ESR2: variants seen among roughly 807,000 people sequenced by gnomAD.
ESR2 encodes estrogen receptor 2.
In ESR2, 36 loss-of-function variants were observed where a neutral mutation model predicts 49.6. The observed-to-expected ratio is 0.73, with a 90% CI of 0.56 to 0.96. ESR2 has a LOEUF of 0.96. ESR2 is among the 40% of genes least tolerant of loss of function. ESR2 has a pLI of 0.00. For synonymous variants in ESR2, 320 were observed against 266.1 expected, an observed-to-expected ratio of 1.20 and a Z score of -1.97; for missense variants, 714 against 693.0, an observed-to-expected ratio of 1.03 and a Z score of -0.34.
chr14:64,272,264 G>T (rs2076464619), intron 3 of ESR2, among the ~76,000 whole-genome samples: 1 of 152,034 alleles, frequency 6.6e-6, no homozygotes, highest in African/African-American at 2.4e-5. Context: ...TTTTTTTGTA[G>T]AGTTGTTTGA....
At chr14:64,308,618 G>T (rs1171908593) in intron 1 of ESR2, among the ~76,000 whole-genome samples, 1 of 151,940 alleles carries the variant, frequency 6.6e-6, no homozygotes, top group East Asian at 1.9e-4. Flanking sequence ...ATGTTCTACA[G>T]GTACTTTTAA....
chr14:64,326,103 G>A (rs1038653837), intron 1 of ESR2, among the ~76,000 whole-genome samples: 1 of 151,702 alleles, frequency 6.6e-6, no homozygotes, highest in Non-Finnish European at 1.5e-5. Context: ...CACATAAATT[G>A]GATCATGTAG....
chr14:64,299,096 C>T (rs2076992798), upstream of ESR2, among the ~76,000 whole-genome samples: 1 of 151,330 alleles, frequency 6.6e-6, no homozygotes, highest in Non-Finnish European at 1.5e-5. Context: ...AGCTTCCTTA[C>T]ATTTTCTGGC....
chr14:64,303,799 A>G (rs1328922705), intron 1 of ESR2: 2 of 152,212 alleles, frequency 1.3e-5, no homozygotes, highest in Admixed American at 1.3e-4. Flanking sequence ...CTCAGCATTT[A>G]TGATTTGCTT....
intron 1 of ESR2, among the ~76,000 whole-genome samples, chr14:64,306,212 G>GAA (rs200709364): frequency 7.3e-5 from 10 of 136,566 alleles, no homozygotes; most frequent in Non-Finnish European, 1.6e-4. Context: ...CAAAAAAAAA[G>GAA]AAAAAAAAAA....
downstream of ESR2, chr14:64,227,997 C>A (rs762585436): frequency 1.3e-6 from 2 of 1,550,300 alleles, no homozygotes; most frequent in Non-Finnish European, 1.7e-6. Context: ...AATCGATGCA[C>A]TGGATACCAG....
At chr14:64,291,166 C>A (rs1256937016) in intron 1 of ESR2, among the ~76,000 whole-genome samples, 1 of 152,172 alleles carries the variant, frequency 6.6e-6, no homozygotes, top group Non-Finnish European at 1.5e-5. Context: ...AGAAGTTAGG[C>A]TGAATGCACT....
rs979224140 is a variant in ESR2 at position 64,231,262 on chromosome 14, T to C, written c.*1875A>G. ...TTAATAGAATTTCACTGGCAGATAA[T>C]GAGTTGCTGAAGGCTGCCTTCTTTG... On this transcript the variant is annotated 3_prime_UTR_variant, in exon 9 of 9. Coordinates refer to ENST00000341099, the MANE Select transcript of ESR2 (RefSeq NM_001437.3). 2 of 152,222 alleles carry C rather than the reference T, an allele frequency of 1.3e-5. No individual in the cohort carries two copies. Among genetic ancestry groups the C allele is most frequent in the African/African-American group, 4.8e-5 (2 of 41,460 alleles). The allele number at this position is 152,222 out of a possible 1,614,324, so 9.4% of individuals were successfully genotyped here.
intron 7 of ESR2, among the ~76,000 whole-genome samples, chr14:64,241,007 G>A (rs978559807): frequency 4.6e-5 from 7 of 151,766 alleles, no homozygotes; most frequent in East Asian, 1.9e-4. Flanking sequence ...TTAGCCGGGC[G>A]TGATGGTGGG....
intron 1 of ESR2, among the ~76,000 whole-genome samples, chr14:64,310,573 G>A (rs898826885): frequency 1.3e-5 from 2 of 151,082 alleles, no homozygotes; most frequent in African/African-American, 2.4e-5. Flanking sequence ...CCGGTTTCAA[G>A]CAATTCTCCT....
At chr14:64,277,236 C>T (rs1002971367) in intron 3 of ESR2, among the ~76,000 whole-genome samples, 8 of 152,106 alleles carry the variant, frequency 5.3e-5, no homozygotes, top group South Asian at 2.1e-4. Context: ...ACACAGCTTC[C>T]AGTGCATTTG....
intron 7 of ESR2, among the ~76,000 whole-genome samples, chr14:64,241,145 C>CAAAAAAAAAAAAAAAAAAAAAAA (rs56347632): frequency 1.0e-5 from 1 of 95,436 alleles, no homozygotes; most frequent in Non-Finnish European, 2.1e-5. Context: ...GACTCCGTCT[C>CAAAAAAAAAAAAAAAAAAAAAAA]AAAAAAAAAA....
At chr14:64,285,359 C>T (rs536118690) in intron 1 of ESR2, among the ~76,000 whole-genome samples, 1 of 152,312 alleles carries the variant, frequency 6.6e-6, no homozygotes, top group South Asian at 2.1e-4. Context: ...GAATCTCCTG[C>T]TGTTTTCTTA....
intron 1 of ESR2, among the ~76,000 whole-genome samples, chr14:64,326,831 C>T (rs1184553144): frequency 6.6e-6 from 1 of 152,200 alleles, no homozygotes; most frequent in Non-Finnish European, 1.5e-5. Context: ...ATCACAGAGA[C>T]CTTTAGGCCC....
At chr14:64,241,766 T>G (rs2075733105) in intron 7 of ESR2, among the ~76,000 whole-genome samples, 2 of 152,244 alleles carry the variant, frequency 1.3e-5, no homozygotes. Context: ...TATATTGCCC[T>G]TACACCTTAC....
At chr14:64,287,935 G>T (rs930930960) in intron 1 of ESR2, among the ~76,000 whole-genome samples, 9 of 152,170 alleles carry the variant, frequency 5.9e-5, no homozygotes, top group Non-Finnish European at 1.0e-4. Context: ...TTTAATTGTT[G>T]GGCCTGGCAT....
At position 64,233,009 on chromosome 14, in the gene ESR2, C is replaced by G; in HGVS notation, c.*128G>C. 6.9e-7 allele frequency: 1 copy of G among 1,454,852 alleles called. No individual in the cohort carries two copies. Among genetic ancestry groups the G allele is most frequent in the South Asian group, 1.5e-5 (1 of 68,892 alleles). The allele number at this position is 1,454,852 out of a possible 1,614,324, so 90.1% of individuals were successfully genotyped here. A position where few individuals can be genotyped will look rare whatever the true frequency, so the allele number is the denominator to read the frequency against. The stretch of plus-strand genomic sequence containing the variant: ...TGGGAAGGTGGAGGGAAGGATGGTA[C>G]ATGACCAAGCCTGCCATCACCAAAT... On this transcript the variant is annotated 3_prime_UTR_variant, in exon 9 of 9. Coordinates refer to ENST00000341099, the MANE Select transcript of ESR2 (RefSeq NM_001437.3).
At chr14:64,227,717 G>A, downstream of ESR2, 2 of 1,586,806 alleles carry the variant, frequency 1.3e-6, no homozygotes, top group Non-Finnish European at 1.7e-6. Context: ...TCTTCCTCAG[G>A]ATAAGGGCCT....
intron 7 of ESR2, among the ~76,000 whole-genome samples, chr14:64,243,675 T>C (rs1370547778): frequency 6.6e-6 from 1 of 152,194 alleles, no homozygotes; most frequent in Non-Finnish European, 1.5e-5. Context: ...CTGAATACTA[T>C]AGGAAGGCTG....
Sources: allele counts gnomAD v4.1 joint callset (sites outside exome capture counted in the v4.1 genomes callset), GRCh38; gene constraint gnomAD v4.1.1; transcripts MANE v1.5; gene names NCBI Gene and HGNC (gene_info 2026-07-23, HGNC 2026-07-21).